The following CDSN variants were observed in gnomAD, a reference collection of about 807,000 sequenced individuals.
CDSN encodes S protein.
A neutral mutation model predicts 25.6 loss-of-function variants in CDSN; 11 were observed. The ratio of observed to expected loss-of-function variants is 0.43; its 90% CI spans 0.27 to 0.71. The LOEUF is 0.71. Among genes scored for constraint, CDSN ranks in the 30% least tolerant of loss-of-function variants. CDSN has a pLI of 0.20. For missense variants in CDSN, 598 were observed against 670.9 expected (o/e 0.89, Z 1.20); for synonymous variants, 266 against 267.4 (o/e 0.99, Z 0.05).
At position 31,117,434 on chromosome 6, in the gene CDSN, C is replaced by T; in HGVS notation, c.181G>A (p.Asp61Asn). The T allele has an allele frequency of 6.4e-7, 1 of 1,559,572 alleles. No homozygotes were observed. Reference protein sequence around the residue: ...PNDPCLTGKGDSSGFSSYSGS... With the variant: ...PNDPCLTGKGNSSGFSSYSGS... ...CTGTAGCTACTGAAACCGCTGGAGT[C>T]ACCCTTCCCAGTGAGGCAGGGGTCG... The change falls in exon 2 of 2, where the codon GAC becomes AAC. Residue 61 changes from aspartate to asparagine, a missense_variant. Coordinates refer to ENST00000376288, the MANE Select transcript of CDSN (RefSeq NM_001264.5).
In CDSN at chr6:31,117,919, A is replaced by T. The variant is rs1939597671; in HGVS notation, c.86-390T>A. The T allele has an allele frequency of 5.7e-5, 13 of 229,112 alleles. No homozygotes were observed. In the South Asian group the frequency reaches 9.3e-4, roughly 16 times the overall value. The allele number at this position is 229,112 out of a possible 1,614,324, so 14.2% of individuals were successfully genotyped here. A position where few individuals can be genotyped will look rare whatever the true frequency, so the allele number is the denominator to read the frequency against. On this transcript the variant is annotated intron_variant, in intron 1 of 1. Coordinates refer to ENST00000376288, the MANE Select transcript of CDSN (RefSeq NM_001264.5). ...TTCAAGACCAGCCTGGGCAACATAG[A>T]CCCCGTCTGTATTTTGTTTTTTAAT...
At position 31,115,448 on chromosome 6, in the gene CDSN, A is replaced by C. The variant is rs1772055888; in HGVS notation, c.*577T>G. 6.0e-6 allele frequency: 1 copy of C among 166,568 alleles called. No individual in the cohort carries two copies. Among genetic ancestry groups the C allele is most frequent in the African/African-American group, 2.4e-5 (1 of 41,422 alleles). 10.3% of individuals were successfully genotyped at this position (166,568 alleles called of 1,614,324 possible). A position where few individuals can be genotyped will look rare whatever the true frequency, so the allele number is the denominator to read the frequency against. ...TTGAGAGGCAATGGGTGTGTTGGGG[A>C]CGGTGATCTAGGAGGGCGTGGTGAG... On this transcript the variant is annotated 3_prime_UTR_variant, in exon 2 of 2. Transcript: ENST00000376288. The surrounding 1 kb of genome is among the most constrained non-coding windows in gnomAD (Gnocchi z 4.2).
In CDSN at chr6:31,115,890, G is replaced by C. The variant is rs941335515; in HGVS notation, c.*135C>G. On this transcript the variant is annotated 3_prime_UTR_variant, in exon 2 of 2. Transcript: ENST00000376288. The surrounding 1 kb of genome is among the most constrained non-coding windows in gnomAD (Gnocchi z 4.2). ...GAGTCTGCAACCTTGGGGTAGTGGA[G>C]AAAGCAGAACCACTCTTTTGGGAAG... is the stretch of plus-strand genomic sequence containing the variant. 43 of 761,296 alleles carry C rather than the reference G, an allele frequency of 5.6e-5. No individual in the cohort carries two copies. The highest frequency in any genetic ancestry group is 9.0e-6 in the Non-Finnish European group (4 of 444,440). 47.2% of individuals were successfully genotyped at this position (761,296 alleles called of 1,614,324 possible).
chr6:31,119,172 A>G lies in CDSN; in HGVS notation c.85+1163T>C, dbSNP rs185528279. ...TGTTTTAGAAAGTGTAAAGCATTAT[A>G]TATTATGAATTATTACTGCCACTCA... On this transcript the variant is annotated intron_variant, in intron 1 of 1. Transcript: ENST00000376288. Among the ~76,000 whole-genome samples, 163 of 152,198 alleles carry G rather than the reference A, an allele frequency of 1.1e-3. 2 individuals carry two copies. The East Asian group carries it at 0.02, about 19-fold the overall frequency.
chr6:31,115,090 T>C lies in CDSN; in HGVS notation c.*935A>G. The C allele has an allele frequency of 2.8e-6, 1 of 356,232 alleles. No homozygotes were observed. Among genetic ancestry groups the C allele is most frequent in the Non-Finnish European group, 5.5e-6 (1 of 181,474 alleles). 22.1% of individuals were successfully genotyped at this position (356,232 alleles called of 1,614,324 possible). A position where few individuals can be genotyped will look rare whatever the true frequency, so the allele number is the denominator to read the frequency against. ...ATCTGGGAGGCCAGGCAATCTCTGC[T>C]TTCAGTTCAACAAATATTTATTGTC... is the stretch of plus-strand genomic sequence containing the variant. On this transcript the variant is annotated 3_prime_UTR_variant, in exon 2 of 2. Transcript: ENST00000376288. The surrounding 1 kb of genome is among the most constrained non-coding windows in gnomAD (Gnocchi z 4.2).
In CDSN at chr6:31,117,444, A is replaced by G; in HGVS notation, c.171T>C (p.Thr57=). Residue 57 remains threonine (T), a synonymous_variant, in exon 2 of 2, where the codon ACT becomes ACC. Coordinates refer to ENST00000376288, the MANE Select transcript of CDSN (RefSeq NM_001264.5). ...RITSPNDPCL[T]GKGDSSGFSS... ...TGAAACCGCTGGAGTCACCCTTCCC[A>G]GTGAGGCAGGGGTCGTTAGGGGAGG... 6.4e-7 allele frequency: 1 copy of G among 1,558,442 alleles called. No homozygotes were observed. Among genetic ancestry groups the G allele is most frequent in the Non-Finnish European group, 8.7e-7 (1 of 1,151,294 alleles).
chr6:31,117,292 G>C lies in CDSN; in HGVS notation c.323C>G (p.Pro108Arg). The change falls in exon 2 of 2, where the codon CCA (proline) becomes CGA (arginine). Residue 108 changes from proline (P) to arginine (R), a missense_variant. Coordinates refer to ENST00000376288, the MANE Select transcript of CDSN (RefSeq NM_001264.5). ...AQGGSAGSFKPGTGYSQVSYS... is the reference protein window; with the variant it reads ...AQGGSAGSFKRGTGYSQVSYS... Reference sequence around the variant, plus strand: ...GCTGACCTGGGAATACCCCGTTCCTGGCTTAAAAGATCCTGCAGAACCACC... The same window carrying C: ...GCTGACCTGGGAATACCCCGTTCCTCGCTTAAAAGATCCTGCAGAACCACC... The C allele has an allele frequency of 1.9e-6, 3 of 1,595,526 alleles. No homozygotes were observed. Among genetic ancestry groups the C allele is most frequent in the Non-Finnish European group, 2.6e-6 (3 of 1,170,152 alleles).
At position 31,115,204 on chromosome 6, in the gene CDSN, G is replaced by C; in HGVS notation, c.*821C>G. ...GAGGAACACAGAGACCTCTAGAGGC[G>C]TAGGAAGAGCACCACCCAGACTCTC... On this transcript the variant is annotated 3_prime_UTR_variant, in exon 2 of 2. Transcript: ENST00000376288. This position sits in a 1 kb window ranked among gnomAD's most constrained non-coding sequence, Gnocchi z 4.2. 1 of 303,476 alleles carries C rather than the reference G, an allele frequency of 3.3e-6. No individual in the cohort carries two copies. The highest frequency in any genetic ancestry group is 2.2e-5 in the African/African-American group (1 of 45,552). The allele number at this position is 303,476 out of a possible 1,614,324, so 18.8% of individuals were successfully genotyped here.
chr6:31,117,318 C>A lies in CDSN; in HGVS notation c.297G>T (p.Gln99His). 1 of 1,581,670 alleles carries A rather than the reference C, an allele frequency of 6.3e-7. No individual in the cohort carries two copies. Among genetic ancestry groups the A allele is most frequent in the Admixed American group, 1.8e-5 (1 of 55,812 alleles). The change falls in exon 2 of 2, where the codon CAG (glutamine) becomes CAT (histidine). Residue 99 changes from glutamine (Q) to histidine (H), a missense_variant. Transcript: ENST00000376288. ...GCTTAAAAGATCCTGCAGAACCACC[C>A]TGGGCAATGCTGGATCCGCTGGAGC... is the stretch of plus-strand genomic sequence containing the variant. Reference protein sequence around the residue: ...SGSSSGSSIAQGGSAGSFKPG... With the variant: ...SGSSSGSSIAHGGSAGSFKPG...
chr6:31,117,760 T>C (rs1017667826), intron 1 of CDSN: 6 of 573,196 alleles, frequency 1.0e-5, no homozygotes, highest in Admixed American at 3.0e-5. Flanking sequence ...ACCAGAAAAA[T>C]AGAAAATTAG....
At position 31,120,321 on chromosome 6, in the gene CDSN, C is replaced by T. The variant is rs374334424; in HGVS notation, c.85+14G>A. 37 of 1,563,204 alleles carry T rather than the reference C, an allele frequency of 2.4e-5. No homozygotes were observed. Among genetic ancestry groups the T allele is most frequent in the Non-Finnish European group, 3.0e-5 (35 of 1,152,318 alleles). On this transcript the variant is annotated intron_variant, in intron 1 of 1. Coordinates refer to ENST00000376288, the MANE Select transcript of CDSN (RefSeq NM_001264.5). Reference sequence around the variant, plus strand: ...CCCGCCTCCCTCCTGTTCCCAGGGCCCCCAGCCTCCTACCTGGCAGGAGGA... The same window carrying T: ...CCCGCCTCCCTCCTGTTCCCAGGGCTCCCAGCCTCCTACCTGGCAGGAGGA...
rs985939032 is a variant in CDSN, at chr6:31,116,104, G to A, written c.1511C>T (p.Ala504Val). The A allele has an allele frequency of 4.3e-6, 7 of 1,611,848 alleles. No individual in the cohort carries two copies. The highest frequency in any genetic ancestry group is 1.3e-5 in the African/African-American group (1 of 75,024). ...CTGGGGCCCCAGAGGCTTCACTTGG[G>A]CTAGGATATCCCGGATGGAGCGGCA... is the stretch of plus-strand genomic sequence containing the variant. ...IPCRSIRDILAQVKPLGPQLA... is the reference protein window; with the variant it reads ...IPCRSIRDILVQVKPLGPQLA... The change falls in exon 2 of 2, where the codon GCC becomes GTC. Residue 504 changes from alanine (A) to valine (V), a missense_variant. Coordinates refer to ENST00000376288, the MANE Select transcript of CDSN (RefSeq NM_001264.5).
Position 31,116,985 on chromosome 6 carries a change from G to A in CDSN, c.630C>T (p.Ser210=). ...TACAGGGACGCTGGTTGGAGCTGACGCTTTGGCCACTGCTGGATACCCCAA... is the reference window on the plus strand; with the variant it reads ...TACAGGGACGCTGGTTGGAGCTGACACTTTGGCCACTGCTGGATACCCCAA... ...QTFGVSSSGQ[S]VSSNQRPCSS... is the part of the protein sequence containing the mutation. Residue 210 remains serine (S), a synonymous_variant, in exon 2 of 2, where the codon AGC becomes AGT. Transcript: ENST00000376288. 2 of 1,614,230 alleles carry A rather than the reference G, an allele frequency of 1.2e-6. No homozygotes were observed. The highest frequency in any genetic ancestry group is 1.7e-6 in the Non-Finnish European group (2 of 1,180,042).
At position 31,117,165 on chromosome 6, in the gene CDSN, G is replaced by A. The variant is rs2150957573; in HGVS notation, c.450C>T (p.Ser150=). ...HSGNSGSHSG[S]SSSHSSSSSS... ...TGCTGCTGCTCGAATGAGAGCTGCTGCTTCCCGAGTGAGAGCCGCTGTTTC... is the reference window on the plus strand; with the variant it reads ...TGCTGCTGCTCGAATGAGAGCTGCTACTTCCCGAGTGAGAGCCGCTGTTTC... The change falls in exon 2 of 2, where the codon AGC becomes AGT. Residue 150 remains serine (S), a synonymous_variant. Coordinates refer to ENST00000376288, the MANE Select transcript of CDSN (RefSeq NM_001264.5). 1 of 1,613,554 alleles carries A rather than the reference G, an allele frequency of 6.2e-7. No individual in the cohort carries two copies. Among genetic ancestry groups the A allele is most frequent in the South Asian group, 1.1e-5 (1 of 91,034 alleles).
chr6:31,119,873 T>C (rs1271812006), intron 1 of CDSN, among the ~76,000 whole-genome samples: 1 of 151,770 alleles, frequency 6.6e-6, no homozygotes, highest in Admixed American at 6.6e-5. Context: ...GCCACTGCAC[T>C]CCAGCCTTGG....
At position 31,116,000 on chromosome 6, in the gene CDSN, A is replaced by G; in HGVS notation, c.*25T>C. Reference sequence around the variant, plus strand: ...GTATGTGCTTGTTTGTGCCCAAGGCATGCACACACACAACAGTTGACTTCT... The same window carrying G: ...GTATGTGCTTGTTTGTGCCCAAGGCGTGCACACACACAACAGTTGACTTCT... On this transcript the variant is annotated 3_prime_UTR_variant, in exon 2 of 2. Transcript: ENST00000376288. The surrounding 1 kb of genome is among the most constrained non-coding windows in gnomAD (Gnocchi z 4.2). 6.3e-7 allele frequency: 1 copy of G among 1,580,728 alleles called. No homozygotes were observed. The highest frequency in any genetic ancestry group is 2.3e-5 in the East Asian group (1 of 44,020).
Position 31,115,950 on chromosome 6 carries a change from G to C in CDSN, c.*75C>G. 7.4e-7 allele frequency: 1 copy of C among 1,349,962 alleles called. No individual in the cohort carries two copies. The allele number at this position is 1,349,962 out of a possible 1,614,324, so 83.6% of individuals were successfully genotyped here. A position where few individuals can be genotyped will look rare whatever the true frequency, so the allele number is the denominator to read the frequency against. On this transcript the variant is annotated 3_prime_UTR_variant, in exon 2 of 2. Coordinates refer to ENST00000376288, the MANE Select transcript of CDSN (RefSeq NM_001264.5). This position sits in a 1 kb window ranked among gnomAD's most constrained non-coding sequence, Gnocchi z 4.2. ...TGAGCTAACCCTATGCCTGGGCACT[G>C]GACTTCTCCCATATGGGATATAGTG...
In CDSN at chr6:31,116,835, G is replaced by T. The variant is rs566049981; in HGVS notation, c.780C>A (p.His260Gln). ...GAACCACTCCAGGGGCACCAGAACC[G>T]TGCTGGTCCACCACCACCACCACAG... The part of the protein sequence containing the change: ...QRPVVVVVDQ[H>Q]GSGAPGVVQG... The change falls in exon 2 of 2, where the codon CAC becomes CAA. Residue 260 changes from histidine to glutamine, a missense_variant. Coordinates refer to ENST00000376288, the MANE Select transcript of CDSN (RefSeq NM_001264.5). 2 of 1,614,008 alleles carry T rather than the reference G, an allele frequency of 1.2e-6. No individual in the cohort carries two copies. Among genetic ancestry groups the T allele is most frequent in the Admixed American group, 3.3e-5 (2 of 60,022 alleles).
At chr6:31,119,620 C>T (rs1054053200) in intron 1 of CDSN, among the ~76,000 whole-genome samples, 4 of 152,252 alleles carry the variant, frequency 2.6e-5, no homozygotes, top group Non-Finnish European at 4.4e-5. Flanking sequence ...TAATATAGGC[C>T]GGGTGTGGTG....
Sources: gnomAD v4.1 joint callset for allele counts (sites outside exome capture counted in the v4.1 genomes callset) on GRCh38, gnomAD v4.1.1 for gene constraint, Gnocchi (gnomAD v3.1) non-coding constraint, MANE v1.5 for transcripts, NCBI Gene and HGNC (gene_info 2026-07-23, HGNC 2026-07-21) for gene names.